The following UGT3A2 variants were observed in gnomAD, a reference collection of about 807,000 sequenced individuals.
UGT3A2 encodes UDP-glycosyltransferase 3A2.
Under a neutral mutation model 39.8 loss-of-function variants are expected in UGT3A2, and 32 were observed. The ratio of observed to expected loss-of-function variants is 0.80; its 90% confidence interval spans 0.61 to 1.08. UGT3A2 has a LOEUF of 1.08. Among genes scored for constraint, UGT3A2 ranks in the 50% least tolerant of loss-of-function variants. The probability of loss-of-function intolerance (pLI) is 0.00; values close to 1 mark genes in which losing one functional copy is unlikely to be tolerated. For missense variants in UGT3A2, 611 were observed against 637.1 expected, an observed-to-expected ratio of 0.96 and a Z score of 0.44; for synonymous variants, 241 against 230.7, an observed-to-expected ratio of 1.04 and a Z score of -0.40.
chr5:36,043,574 T>C (rs754084546), intron 4 of UGT3A2, among the ~76,000 whole-genome samples: 1 of 151,206 alleles, frequency 6.6e-6, no homozygotes, highest in Non-Finnish European at 1.5e-5. Flanking sequence ...ATCAATGAAA[T>C]GAAAAGTTTG....
intron 4 of UGT3A2, among the ~76,000 whole-genome samples, chr5:36,040,648 C>T (rs1398883451): frequency 2.6e-5 from 4 of 152,180 alleles, no homozygotes; most frequent in Non-Finnish European, 5.9e-5. Context: ...GCATTTAGAC[C>T]AGCCCTTGCT....
At chr5:36,061,330 A>G (rs1043774699) in intron 2 of UGT3A2, among the ~76,000 whole-genome samples, 12 of 151,702 alleles carry the variant, frequency 7.9e-5, no homozygotes, top group African/African-American at 2.7e-4. Flanking sequence ...ATGCTGGTGC[A>G]CTGCACCCAG....
intron 2 of UGT3A2, among the ~76,000 whole-genome samples, chr5:36,058,048 G>A (rs1425097588): frequency 6.6e-6 from 1 of 152,178 alleles, no homozygotes; most frequent in Non-Finnish European, 1.5e-5. Context: ...TATTAAAATG[G>A]TTTTAAGCAG....
chr5:36,042,883 A>G (rs1035802545), intron 4 of UGT3A2, among the ~76,000 whole-genome samples: 62 of 152,152 alleles, frequency 4.1e-4, no homozygotes, highest in Non-Finnish European at 1.3e-4. Context: ...ACCCAGACAT[A>G]GAAAGCAAAC....
Position 36,035,716 on chromosome 5 carries a change from T to G in UGT3A2, c.1554A>C (p.Arg518Ser). 1 of 1,614,104 alleles carries G rather than the reference T, an allele frequency of 6.2e-7. No individual in the cohort carries two copies. Among genetic ancestry groups the G allele is most frequent in the Non-Finnish European group, 8.5e-7 (1 of 1,180,008 alleles). Residue 518 changes from arginine to serine, a missense_variant, in exon 7 of 7, where the codon AGA (arginine) becomes AGC (serine). Transcript: ENST00000282507. ...CCTGGCCTTATGTCTCCTTCACCTTTCTGGCCCCACGCAGCCACCAGACAG... is the reference window on the plus strand; with the variant it reads ...CCTGGCCTTATGTCTCCTTCACCTTGCTGGCCCCACGCAGCCACCAGACAG... ...GMAVWWLRGA[R>S]KVKET
chr5:36,061,860 G>A (rs940437599), intron 2 of UGT3A2, among the ~76,000 whole-genome samples: 2 of 151,568 alleles, frequency 1.3e-5, no homozygotes, highest in African/African-American at 4.9e-5. Flanking sequence ...CCCACCAACA[G>A]TGTAAAAGTG....
At position 36,049,177 on chromosome 5, in the gene UGT3A2, T is replaced by A. The variant is rs1561492988; in HGVS notation, c.555A>T (p.Pro185=). 1 of 1,614,112 alleles carries A rather than the reference T, an allele frequency of 6.2e-7. No homozygotes were observed. Among genetic ancestry groups the A allele is most frequent in the African/African-American group, 1.3e-5 (1 of 74,936 alleles). Residue 185 remains proline (P), a synonymous_variant, in exon 4 of 7, where the codon CCA becomes CCT. Transcript: ENST00000282507. ...GATCAGTCAGCAAGGAACGGAATAC[T>A]GGAACATAAGACAAGGGGATTGGTA... The part of the protein sequence containing the change: ...FGLPIPLSYV[P]VFRSLLTDHM...
intron 4 of UGT3A2, among the ~76,000 whole-genome samples, chr5:36,041,900 C>T (rs893736596): frequency 3.9e-5 from 6 of 152,032 alleles, no homozygotes; most frequent in African/African-American, 1.4e-4. Context: ...CTTCACCCAA[C>T]GAACCAAATA....
At chr5:36,043,982 G>A (rs770281456) in intron 4 of UGT3A2, among the ~76,000 whole-genome samples, 3 of 151,504 alleles carry the variant, frequency 2.0e-5, no homozygotes, top group Non-Finnish European at 4.4e-5. Flanking sequence ...AGAAGAGAGG[G>A]GAATAAAAGG....
intron 3 of UGT3A2, among the ~76,000 whole-genome samples, chr5:36,050,947 T>C (rs921468274): frequency 2.0e-5 from 3 of 152,068 alleles, no homozygotes; most frequent in Non-Finnish European, 2.9e-5. Context: ...TAAATTAAAG[T>C]ATTTTAAGAA....
intron 1 of UGT3A2, among the ~76,000 whole-genome samples, chr5:36,064,740 A>T (rs868402246): frequency 1.1e-4 from 16 of 152,210 alleles, no homozygotes; most frequent in Middle Eastern, 3.2e-3. Flanking sequence ...GGTGTTGTAC[A>T]TATGAGTGTG....
chr5:36,037,930 T>C lies in UGT3A2; in HGVS notation c.1162A>G (p.Ile388Val). 1 of 1,614,124 alleles carries C rather than the reference T, an allele frequency of 6.2e-7. No individual in the cohort carries two copies. The highest frequency in any genetic ancestry group is 1.1e-5 in the South Asian group (1 of 91,074). Residue 388 changes from isoleucine to valine, a missense_variant, in exon 6 of 7, where the codon ATC becomes GTC. Physicochemically the swap from Ile to Val is conservative, Grantham distance 29. Transcript: ENST00000282507. Reference sequence around the variant, plus strand: ...TCAGGCTGGTCTCCAAAGAGAGGGATCCCCACCATGGGCACACCATGCTGG... The same window carrying C: ...TCAGGCTGGTCTCCAAAGAGAGGGACCCCCACCATGGGCACACCATGCTGG... Reference protein sequence around the residue: ...AIQHGVPMVGIPLFGDQPENM... With the variant: ...AIQHGVPMVGVPLFGDQPENM...
At chr5:36,045,869 ATTC>A (rs912988721) in intron 4 of UGT3A2, among the ~76,000 whole-genome samples, 5 of 152,158 alleles carry the variant, frequency 3.3e-5, no homozygotes, top group Admixed American at 2.6e-4. Flanking sequence ...ATGTGTGTAA[ATTC>A]TTCTTCTGAC....
chr5:36,064,675 C>T (rs1391613222), intron 1 of UGT3A2, among the ~76,000 whole-genome samples: 6 of 152,066 alleles, frequency 3.9e-5, no homozygotes, highest in African/African-American at 1.4e-4. Flanking sequence ...TAACTAAGGC[C>T]TTATGGAGAC....
In UGT3A2 at chr5:36,051,877, C is replaced by G; in HGVS notation, c.304G>C (p.Gly102Arg). ...SFDFFLEETL[G>R]GRGKFENLLN... The stretch of plus-strand genomic sequence containing the variant: ...GAATAAAAAAACAATTACCTGCCAC[C>G]TAAAGTTTCTTCCAGAAAGAAATCA... Residue 102 changes from glycine to arginine, a missense_variant, in exon 3 of 7, where the codon GGT (glycine) becomes CGT (arginine). Coordinates refer to ENST00000282507, the MANE Select transcript of UGT3A2 (RefSeq NM_174914.4). 1 of 1,582,602 alleles carries G rather than the reference C, an allele frequency of 6.3e-7. No homozygotes were observed. Among genetic ancestry groups the G allele is most frequent in the Non-Finnish European group, 8.5e-7 (1 of 1,171,158 alleles).
At chr5:36,059,965 TC>T (rs1561497407) in intron 2 of UGT3A2, among the ~76,000 whole-genome samples, 1 of 152,022 alleles carries the variant, frequency 6.6e-6, no homozygotes, top group African/African-American at 2.4e-5. Flanking sequence ...CAGGCCTGGT[TC>T]CCCCAGTACA....
chr5:36,062,086 GTTGT>G (rs1370996284), intron 2 of UGT3A2, among the ~76,000 whole-genome samples: 6 of 151,944 alleles, frequency 3.9e-5, no homozygotes, highest in East Asian at 3.9e-4. Flanking sequence ...TTTTGATGGG[GTTGT>G]TTGTTTTTTT....
chr5:36,036,031 G>A, intron 6 of UGT3A2, 57 bp from the exon 7 acceptor site: 1 of 1,581,938 alleles, frequency 6.3e-7, no homozygotes. Context: ...GAGTTAGAAT[G>A]TATGATCCGT....
At chr5:36,058,996 GAAAT>G (rs1205760118) in intron 2 of UGT3A2, among the ~76,000 whole-genome samples, 3 of 152,110 alleles carry the variant, frequency 2.0e-5, no homozygotes, top group East Asian at 1.9e-4. Context: ...GGGATAAATA[GAAAT>G]AAATAGAGAT....
Sources: gnomAD v4.1 joint callset for allele counts (sites outside exome capture counted in the v4.1 genomes callset) on GRCh38, gnomAD v4.1.1 for gene constraint, MANE v1.5 for transcripts, NCBI Gene and HGNC (gene_info 2026-07-23, HGNC 2026-07-21) for gene names.